The following TXNRD3 variants were observed in gnomAD, a reference collection of about 807,000 sequenced individuals.
TXNRD3 encodes the protein TXNRD3 neighbor gene protein.
In TXNRD3, 68 loss-of-function variants were observed where a neutral mutation model predicts 78.2. That is an observed-to-expected ratio of 0.87 (90% CI 0.72 to 1.06). The LOEUF (loss-of-function observed/expected upper bound fraction) is 1.06, where lower values mean the gene tolerates loss of function less well. TXNRD3 is among the 50% of genes least tolerant of loss of function. The pLI is 0.00. For missense variants in TXNRD3, 751 were observed against 809.5 expected (o/e 0.93, Z 0.88); for synonymous variants, 296 against 300.1 (o/e 0.99, Z 0.14).
At chr3:126,621,041 TAGCACGAGCCA>T (rs1938437710) in intron 12 of TXNRD3, among the ~76,000 whole-genome samples, 1 of 152,164 alleles carries the variant, frequency 6.6e-6, no homozygotes, top group Non-Finnish European at 1.5e-5. Flanking sequence ...TCATAGTCCT[TAGCACGAGCCA>T]AGCACTACAG....
intron 1 of TXNRD3, among the ~76,000 whole-genome samples, chr3:126,649,433 A>G (rs934086330): frequency 6.6e-6 from 1 of 152,264 alleles, no homozygotes; most frequent in Non-Finnish European, 1.5e-5. Flanking sequence ...AAACAGAATG[A>G]CAGTTCCTCA....
Position 126,654,960 on chromosome 3 carries a change from GC to G in TXNRD3, c.30del (p.Pro11ArgfsTer59). ...TTGGGGGCATCGCCCGCCTTTCCCG[GC>G]CCGGGCGACTGCGGCGGCGACCGCT... On this transcript the variant is annotated frameshift_variant, in exon 1 of 16. Transcript: ENST00000524230. LOFTEE classifies it high-confidence loss of function. The G allele has an allele frequency of 2.3e-6, 3 of 1,298,020 alleles. No homozygotes were observed. The highest frequency in any genetic ancestry group is 2.9e-6 in the Non-Finnish European group (3 of 1,028,038). 80.4% of individuals were successfully genotyped at this position (1,298,020 alleles called of 1,614,324 possible).
intron 12 of TXNRD3, among the ~76,000 whole-genome samples, chr3:126,617,341 C>T (rs1427156135): frequency 6.6e-6 from 1 of 152,200 alleles, no homozygotes; most frequent in African/African-American, 2.4e-5. Flanking sequence ...TGCCGACATA[C>T]ACCCCAAAAT....
chr3:126,631,881 T>G lies in TXNRD3; in HGVS notation c.856-2A>C. ...CTCCTGTCCTTTTTTATTGGTTGCC[T>G]TGAAAAAAGAGAAGTAAACCTCACT... On this transcript the variant is annotated splice_acceptor_variant, in intron 7 of 15. Coordinates refer to ENST00000524230, the MANE Select transcript of TXNRD3 (RefSeq NM_052883.3). LOFTEE classifies it high-confidence loss of function. The G allele has an allele frequency of 6.5e-7, 1 of 1,532,278 alleles. No homozygotes were observed. Among genetic ancestry groups the G allele is most frequent in the Non-Finnish European group, 8.7e-7 (1 of 1,143,512 alleles). The allele number at this position is 1,532,278 out of a possible 1,614,324, so 94.9% of individuals were successfully genotyped here.
intron 15 of TXNRD3, among the ~76,000 whole-genome samples, chr3:126,608,214 A>G (rs377129339): frequency 3.0e-4 from 46 of 151,984 alleles, no homozygotes; most frequent in African/African-American, 1.0e-3. Flanking sequence ...TACAAAAATT[A>G]GCCAGGCATG....
intron 6 of TXNRD3, among the ~76,000 whole-genome samples, chr3:126,639,745 A>AT (rs1028572411): frequency 6.6e-6 from 1 of 151,734 alleles, no homozygotes; most frequent in African/African-American, 2.4e-5. Context: ...TAATTTTTCT[A>AT]TTTTTTGTAG....
chr3:126,647,561 A>T (rs1933269630), intron 1 of TXNRD3, among the ~76,000 whole-genome samples: 1 of 152,146 alleles, frequency 6.6e-6, no homozygotes, highest in South Asian at 2.1e-4. Flanking sequence ...TTCTGAACTC[A>T]AATAGGCAGT....
intron 7 of TXNRD3, among the ~76,000 whole-genome samples, chr3:126,633,443 T>C (rs1257976106): frequency 1.3e-5 from 2 of 152,052 alleles, no homozygotes; most frequent in Non-Finnish European, 2.9e-5. Flanking sequence ...AATGATCTCA[T>C]TTTCCATATG....
chr3:126,638,872 C>A (rs1036931384), intron 6 of TXNRD3, among the ~76,000 whole-genome samples: 4 of 152,080 alleles, frequency 2.6e-5, no homozygotes, highest in Non-Finnish European at 5.9e-5. Context: ...GTCATTTGAC[C>A]CCATGGGGGC....
At chr3:126,626,669 C>T (rs1453737154) in intron 10 of TXNRD3, among the ~76,000 whole-genome samples, 1 of 152,162 alleles carries the variant, frequency 6.6e-6, no homozygotes, top group Admixed American at 6.5e-5. Flanking sequence ...ACAACTAGGC[C>T]TTCACATATA....
intron 13 of TXNRD3, 89 bp downstream of exon 13, chr3:126,615,265 CT>C: frequency 1.7e-6 from 1 of 575,540 alleles, no homozygotes; most frequent in Non-Finnish European, 2.9e-6. Flanking sequence ...ATCATAGTAA[CT>C]TGCAAAATGA....
chr3:126,627,055 T>TC (rs1559774299), intron 10 of TXNRD3, among the ~76,000 whole-genome samples: 2 of 152,146 alleles, frequency 1.3e-5, no homozygotes, highest in Non-Finnish European at 2.9e-5. Context: ...ACCACTGCAC[T>TC]CCAGCCTGGG....
intron 14 of TXNRD3, chr3:126,609,079 C>T: frequency 5.7e-6 from 2 of 353,736 alleles, no homozygotes; most frequent in Non-Finnish European, 1.2e-5. Flanking sequence ...GAGGCTGGTG[C>T]AGGGCTGTCA....
chr3:126,642,243 C>T (rs1216204155), intron 5 of TXNRD3, 92 bp from the exon 6 acceptor site: 31 of 1,387,578 alleles, frequency 2.2e-5, no homozygotes, highest in Non-Finnish European at 2.8e-5. Context: ...AAATGACAAG[C>T]TCAATGGTGG....
At position 126,623,852 on chromosome 3, in the gene TXNRD3, CAA is replaced by C. The variant is rs4021853; in HGVS notation, c.1291-1314_1291-1313del. ...GAGGTATTAGCCAGTGAAACAAGGCCAAAAAAAAAAAAAAAAAAGATTAAAAG... is the reference window on the plus strand; with the variant it reads ...GAGGTATTAGCCAGTGAAACAAGGCCAAAAAAAAAAAAAAAAGATTAAAAG... On this transcript the variant is annotated intron_variant, in intron 10 of 15. Coordinates refer to ENST00000524230, the MANE Select transcript of TXNRD3 (RefSeq NM_052883.3). Among the ~76,000 whole-genome samples the C allele has an allele frequency of 5.1e-4, 57 of 112,066 alleles. 1 individual carries two copies. Among genetic ancestry groups the C allele is most frequent in the African/African-American group, 1.4e-3 (40 of 28,446 alleles). The allele number at this position is 112,066 out of a possible 152,430, so 73.5% of individuals were successfully genotyped here.
chr3:126,636,150 CTA>C (rs1405793677), intron 6 of TXNRD3, among the ~76,000 whole-genome samples: 2 of 152,086 alleles, frequency 1.3e-5, no homozygotes, highest in Non-Finnish European at 2.9e-5. Context: ...GTTGCCCAGG[CTA>C]GTCTCAAGCT....
intron 12 of TXNRD3, among the ~76,000 whole-genome samples, chr3:126,616,151 A>T (rs1025935000): frequency 6.6e-6 from 1 of 152,232 alleles, no homozygotes; most frequent in Non-Finnish European, 1.5e-5. Context: ...AAAGGCCCCA[A>T]CTTGGGAGAA....
chr3:126,642,657 T>C (rs1933122707), intron 5 of TXNRD3, among the ~76,000 whole-genome samples: 1 of 151,708 alleles, frequency 6.6e-6, no homozygotes, highest in Admixed American at 6.6e-5. Context: ...CCCAGATAAG[T>C]AGGATTATTT....
chr3:126,645,467 T>C (rs1933203285), intron 3 of TXNRD3, among the ~76,000 whole-genome samples: 1 of 152,148 alleles, frequency 6.6e-6, no homozygotes, highest in African/African-American at 2.4e-5. Context: ...GATCATAGAT[T>C]AACACACAAC....
Sources: gnomAD v4.1 joint callset for allele counts (sites outside exome capture counted in the v4.1 genomes callset) on GRCh38, gnomAD v4.1.1 for gene constraint, MANE v1.5 for transcripts, NCBI Gene and HGNC (gene_info 2026-07-23, HGNC 2026-07-21) for gene names.